The following THSD7B variants were observed in gnomAD, a reference collection of about 807,000 sequenced individuals.
THSD7B encodes thrombospondin type 1 domain containing 7B.
THSD7B carries 138 observed loss-of-function variants against 213.6 expected under a neutral mutation model. The ratio of observed to expected loss-of-function variants is 0.65; its 90% CI spans 0.56 to 0.74. The LOEUF (loss-of-function observed/expected upper bound fraction) is 0.74. THSD7B is among the 30% of genes least tolerant of loss of function. THSD7B has a pLI of 0.00. For synonymous variants in THSD7B, 742 were observed against 687.0 expected (o/e 1.08, Z -1.25); for missense variants, 1,931 against 1,991.5 (o/e 0.97, Z 0.58).
chr2:137,601,176 GA>G (rs1333477652), intron 17 of THSD7B, among the ~76,000 whole-genome samples: 1 of 152,064 alleles, frequency 6.6e-6, no homozygotes, highest in Non-Finnish European at 1.5e-5. Flanking sequence ...TTGAAGAATG[GA>G]AAACATTTTA....
intron 1 of THSD7B, among the ~76,000 whole-genome samples, chr2:136,828,942 C>T (rs1310357277): frequency 1.3e-5 from 2 of 152,160 alleles, no homozygotes; most frequent in Non-Finnish European, 2.9e-5. Flanking sequence ...TTGCACCTGA[C>T]ACAGAGCATG....
intron 11 of THSD7B, among the ~76,000 whole-genome samples, chr2:137,274,545 T>C (rs1682825313): frequency 6.6e-6 from 1 of 152,052 alleles, no homozygotes; most frequent in Non-Finnish European, 1.5e-5. Context: ...TTATGCAGCC[T>C]GGGACAAATC....
chr2:137,199,387 C>G (rs9287468), intron 7 of THSD7B, among the ~76,000 whole-genome samples: 126,861 of 152,138 alleles, frequency 0.83, 53,833 homozygotes, highest in Middle Eastern at 0.94. Context: ...AAACCTCCTT[C>G]CATTTACCTC....
rs188954329 is a variant in THSD7B at position 137,520,050 on chromosome 2, A to C, written c.3139-43171A>C. 2.4e-3 allele frequency among the ~76,000 whole-genome samples: 360 copies of C among 152,358 alleles called. 2 individuals carry two copies. The highest frequency in any genetic ancestry group is 0.019 in the Admixed American group (297 of 15,300). On this transcript the variant is annotated intron_variant, in intron 15 of 27. Transcript: ENST00000409968. ...AGGGACATCGTGAGAGAGATGCTAA[A>C]AGGTAAAGACTTCCCATTTTATTGT...
rs568283941 is a variant in THSD7B at position 136,962,907 on chromosome 2, A to T, written c.139+80590A>T. The stretch of plus-strand genomic sequence containing the variant: ...ACATTTGAAAGAAGAATGAAAACTA[A>T]TATTTCAATTCTGATTTTAGAATAC... On this transcript the variant is annotated intron_variant, in intron 2 of 27. Coordinates refer to ENST00000409968, the MANE Select transcript of THSD7B (RefSeq NM_001316349.2). Among the ~76,000 whole-genome samples, 32 of 152,298 alleles carry T rather than the reference A, an allele frequency of 2.1e-4. No individual in the cohort carries two copies. The South Asian group carries it at 6.6e-3, about 32-fold the overall frequency.
chr2:137,576,982 A>G (rs1293773838), intron 17 of THSD7B, among the ~76,000 whole-genome samples: 2 of 151,990 alleles, frequency 1.3e-5, no homozygotes, highest in Non-Finnish European at 2.9e-5. Context: ...CCTCAACCTC[A>G]CCTAACAGTC....
intron 20 of THSD7B, among the ~76,000 whole-genome samples, chr2:137,633,373 C>G (rs539625709): frequency 4.8e-4 from 73 of 152,232 alleles, no homozygotes; most frequent in Non-Finnish European, 7.6e-4. Flanking sequence ...TTAGCACAGT[C>G]ACCTTAATTC....
intron 7 of THSD7B, among the ~76,000 whole-genome samples, chr2:137,203,896 T>C (rs1175638851): frequency 2.0e-5 from 3 of 152,128 alleles, no homozygotes; most frequent in Non-Finnish European, 4.4e-5. Context: ...GAGGACATAA[T>C]ACTATTTCAT....
At chr2:136,777,587 G>A (rs772624240) in intron 1 of THSD7B, among the ~76,000 whole-genome samples, 14 of 152,110 alleles carry the variant, frequency 9.2e-5, no homozygotes, top group Non-Finnish European at 1.3e-4. Context: ...AGCCAAGAAC[G>A]GACTGGCAAA....
At chr2:137,673,832 C>G (rs961359424) in intron 27 of THSD7B, among the ~76,000 whole-genome samples, 3 of 152,142 alleles carry the variant, frequency 2.0e-5, no homozygotes, top group Non-Finnish European at 4.4e-5. Flanking sequence ...CTTCTCAGAT[C>G]TCATGTATTC....
At chr2:137,111,176 T>G (rs1688340358) in intron 4 of THSD7B, among the ~76,000 whole-genome samples, 1 of 152,206 alleles carries the variant, frequency 6.6e-6, no homozygotes, top group African/African-American at 2.4e-5. Flanking sequence ...TCTCGAACTG[T>G]ACTTGTATTT....
intron 7 of THSD7B, among the ~76,000 whole-genome samples, chr2:137,185,577 C>A (rs946636447): frequency 6.6e-6 from 1 of 152,062 alleles, no homozygotes. Flanking sequence ...ATGATTTTGT[C>A]CTTTTATACG....
intron 5 of THSD7B, among the ~76,000 whole-genome samples, chr2:137,118,761 C>T (rs1405028832): frequency 6.6e-6 from 1 of 152,048 alleles, no homozygotes; most frequent in East Asian, 1.9e-4. Context: ...TAGTCCATTT[C>T]CGTGCCGCTG....
intron 17 of THSD7B, among the ~76,000 whole-genome samples, chr2:137,589,292 T>G (rs897836741): frequency 1.3e-5 from 2 of 152,208 alleles, no homozygotes; most frequent in Admixed American, 1.3e-4. Flanking sequence ...AAATTTTACC[T>G]AATTCTATTA....
intron 15 of THSD7B, among the ~76,000 whole-genome samples, chr2:137,508,208 T>A (rs1020012810): frequency 2.0e-5 from 3 of 152,100 alleles, no homozygotes; most frequent in African/African-American, 7.2e-5. Context: ...TATTTACTTT[T>A]TAAATTCTTT....
intron 17 of THSD7B, among the ~76,000 whole-genome samples, chr2:137,587,242 C>A (rs1224669957): frequency 6.6e-6 from 1 of 152,112 alleles, no homozygotes; most frequent in Non-Finnish European, 1.5e-5. Flanking sequence ...TTCGTCTAAT[C>A]TTTTTTCAAG....
chr2:137,078,159 G>A (rs907565844), intron 3 of THSD7B, among the ~76,000 whole-genome samples: 8 of 152,070 alleles, frequency 5.3e-5, no homozygotes, highest in African/African-American at 9.7e-5. Flanking sequence ...TATTTCTGAG[G>A]GCTCTGTTCT....
chr2:137,163,749 C>T (rs1242518846), intron 6 of THSD7B, among the ~76,000 whole-genome samples: 1 of 152,210 alleles, frequency 6.6e-6, no homozygotes. Context: ...GAAACTAATA[C>T]ACTGCCCAAC....
rs531673540 is a variant in THSD7B, at chr2:136,819,310, C to G, written c.-36+53623C>G. 3.9e-5 allele frequency among the ~76,000 whole-genome samples: 6 copies of G among 152,244 alleles called. No individual in the cohort carries two copies. The South Asian group carries it at 1.2e-3, about 32-fold the overall frequency. On this transcript the variant is annotated intron_variant, in intron 1 of 27. Coordinates refer to ENST00000409968, the MANE Select transcript of THSD7B (RefSeq NM_001316349.2). ...TTTTTCCTGCTCATTACATCTTCTT[C>G]CTTTCTTTACAATTAGGACCTTTGG...
Sources: allele counts gnomAD v4.1 joint callset (sites outside exome capture counted in the v4.1 genomes callset), GRCh38; gene constraint gnomAD v4.1.1; transcripts MANE v1.5; gene names NCBI Gene and HGNC (gene_info 2026-07-23, HGNC 2026-07-21).